Variants in RAB31 observed in about 807,000 individuals in gnomAD.
RAB31 encodes the protein ras-related protein Rab-31.
In RAB31, 21 loss-of-function variants were observed where a neutral mutation model predicts 25.6. The ratio of observed to expected loss-of-function variants is 0.82; its 90% CI spans 0.58 to 1.18. The LOEUF (loss-of-function observed/expected upper bound fraction) is 1.18. RAB31 is among the 50% of genes most tolerant of loss of function. RAB31 has a pLI of 0.00. For synonymous variants in RAB31, 87 were observed against 84.0 expected (o/e 1.04, Z -0.20); for missense variants, 196 against 250.1 (o/e 0.78, Z 1.46).
At chr18:9,710,816 C>A (rs2145450456) in intron 1 of RAB31, among the ~76,000 whole-genome samples, 1 of 152,246 alleles carries the variant, frequency 6.6e-6, no homozygotes, top group African/African-American at 2.4e-5. Context: ...CGAAATCACG[C>A]CACTGCACTC....
intron 1 of RAB31, among the ~76,000 whole-genome samples, chr18:9,723,944 A>T (rs73383213): frequency 0.056 from 8,510 of 152,234 alleles, 837 homozygotes; most frequent in African/African-American, 0.19. Context: ...GTGGGGACAA[A>T]CAGACTACAT....
intron 3 of RAB31, among the ~76,000 whole-genome samples, chr18:9,793,575 T>C (rs2068472457): frequency 6.6e-6 from 1 of 151,382 alleles, no homozygotes; most frequent in Non-Finnish European, 1.5e-5. Context: ...GGCAGGAGAA[T>C]GGCGTGAACC....
chr18:9,836,449 A>G (rs2068704645), intron 5 of RAB31, among the ~76,000 whole-genome samples: 1 of 152,204 alleles, frequency 6.6e-6, no homozygotes, highest in South Asian at 2.1e-4. Context: ...ATTGTGCCCT[A>G]GCTATAGTCA....
At chr18:9,775,199 A>G (rs1412988320) in intron 1 of RAB31, 79 bp from the exon 2 acceptor site, 3 of 1,601,512 alleles carry the variant, frequency 1.9e-6, no homozygotes, top group African/African-American at 2.7e-5. Context: ...GTCCTCTGGT[A>G]ATCTGTGAGG....
intron 6 of RAB31, among the ~76,000 whole-genome samples, chr18:9,846,585 T>C (rs2068763037): frequency 6.6e-6 from 1 of 152,198 alleles, no homozygotes; most frequent in South Asian, 2.1e-4. Context: ...AAAACAGTAA[T>C]TGTCCTCAAA....
At chr18:9,825,062 C>T (rs761512585) in intron 5 of RAB31, among the ~76,000 whole-genome samples, 1 of 152,184 alleles carries the variant, frequency 6.6e-6, no homozygotes, top group Non-Finnish European at 1.5e-5. Flanking sequence ...TCTGTTCTCT[C>T]CACCATCTGC....
intron 6 of RAB31, among the ~76,000 whole-genome samples, chr18:9,847,631 A>G (rs2068768249): frequency 6.6e-6 from 1 of 152,086 alleles, no homozygotes; most frequent in Non-Finnish European, 1.5e-5. Flanking sequence ...GGAGTGCAGT[A>G]GTGCAATCAT....
At chr18:9,807,693 G>C (rs572983254) in intron 3 of RAB31, among the ~76,000 whole-genome samples, 2 of 152,184 alleles carry the variant, frequency 1.3e-5, no homozygotes, top group East Asian at 3.9e-4. Context: ...CACTAATCCA[G>C]CGGGGTGCAG....
intron 1 of RAB31, among the ~76,000 whole-genome samples, chr18:9,740,773 A>T (rs576206559): frequency 2.8e-4 from 42 of 152,262 alleles, no homozygotes; most frequent in Middle Eastern, 3.4e-3. Context: ...CTGTGCTCAC[A>T]CATCTTCTGT....
At chr18:9,807,017 T>C (rs1042715774) in intron 3 of RAB31, among the ~76,000 whole-genome samples, 6 of 152,196 alleles carry the variant, frequency 3.9e-5, no homozygotes, top group African/African-American at 1.4e-4. Flanking sequence ...GCTCACTGGA[T>C]ATCTGAAGGC....
chr18:9,812,983 C>T, intron 3 of RAB31, among the ~76,000 whole-genome samples: 1 of 150,204 alleles, frequency 6.7e-6, no homozygotes, highest in Non-Finnish European at 1.5e-5. Flanking sequence ...AGGCGTGAGC[C>T]ACTGCACTCG....
At chr18:9,802,746 T>C (rs1358947695) in intron 3 of RAB31, among the ~76,000 whole-genome samples, 1 of 152,230 alleles carries the variant, frequency 6.6e-6, no homozygotes, top group Non-Finnish European at 1.5e-5. Context: ...TGGGATGCAC[T>C]GGCACAAAGC....
intron 6 of RAB31, among the ~76,000 whole-genome samples, chr18:9,850,003 G>C (rs1262815461): frequency 1.3e-5 from 2 of 152,188 alleles, no homozygotes; most frequent in Non-Finnish European, 2.9e-5. Context: ...GAAAGTCTCC[G>C]CATGTCTCAA....
At chr18:9,709,127 C>T (rs1279938928) in intron 1 of RAB31, among the ~76,000 whole-genome samples, 1 of 152,158 alleles carries the variant, frequency 6.6e-6, no homozygotes, top group Non-Finnish European at 1.5e-5. Context: ...TCCCCACCAT[C>T]ACTCCCCTAA....
intron 3 of RAB31, among the ~76,000 whole-genome samples, chr18:9,811,468 A>G (rs933322789): frequency 2.0e-5 from 3 of 152,224 alleles, no homozygotes; most frequent in African/African-American, 4.8e-5. Context: ...GGGAAAGAAA[A>G]TAATAAGTTA....
intron 2 of RAB31, among the ~76,000 whole-genome samples, chr18:9,783,380 C>T (rs144728687): frequency 6.6e-6 from 1 of 152,128 alleles, no homozygotes; most frequent in South Asian, 2.1e-4. Context: ...GTTCCCCCCC[C>T]TTACCTGCAC....
intron 2 of RAB31, among the ~76,000 whole-genome samples, chr18:9,791,790 G>C (rs1311469346): frequency 1.3e-5 from 2 of 152,106 alleles, no homozygotes; most frequent in Non-Finnish European, 1.5e-5. Flanking sequence ...ATTTTTAGTA[G>C]AGACAGGGTT....
At position 9,743,131 on chromosome 18, in the gene RAB31, C is replaced by T. The variant is rs150304265; in HGVS notation, c.40-32147C>T. On this transcript the variant is annotated intron_variant, in intron 1 of 6. Transcript: ENST00000578921. ...AAGCTTTAAGAATTCAGCCCCTAGA[C>T]CTGCTTTTGACTGAAATAGTTTTGC... 2.5e-3 allele frequency among the ~76,000 whole-genome samples: 375 copies of T among 152,282 alleles called. 2 individuals carry two copies. Among genetic ancestry groups the T allele is most frequent in the African/African-American group, 8.8e-3 (365 of 41,554 alleles).
chr18:9,841,905 C>T (rs1048426108), intron 5 of RAB31, among the ~76,000 whole-genome samples: 1 of 152,180 alleles, frequency 6.6e-6, no homozygotes, highest in Non-Finnish European at 1.5e-5. Flanking sequence ...GGTCAGATAA[C>T]TACTTAGTTT....
Sources: gnomAD v4.1 joint callset for allele counts (sites outside exome capture counted in the v4.1 genomes callset) on GRCh38, gnomAD v4.1.1 for gene constraint, MANE v1.5 for transcripts, NCBI Gene and HGNC (gene_info 2026-07-23, HGNC 2026-07-21) for gene names.